The following THSD7B variants were observed in gnomAD, a reference collection of about 807,000 sequenced individuals.
THSD7B encodes the protein thrombospondin type 1 domain containing 7B, also known as thrombospondin type-1 domain-containing protein 7B.
A neutral mutation model predicts 213.6 loss-of-function variants in THSD7B; 138 were observed. The observed-to-expected ratio is 0.65, with a 90% CI of 0.56 to 0.74. The LOEUF (loss-of-function observed/expected upper bound fraction) is 0.74, where lower values mean the gene tolerates loss of function less well. Among genes scored for constraint, THSD7B ranks in the 30% least tolerant of loss-of-function variants. The probability of loss-of-function intolerance (pLI) is 0.00; values close to 1 mark genes in which losing one functional copy is unlikely to be tolerated. For missense variants in THSD7B, 1,931 were observed against 1,991.5 expected, an observed-to-expected ratio of 0.97 and a Z score of 0.58; for synonymous variants, 742 against 687.0, an observed-to-expected ratio of 1.08 and a Z score of -1.25.
At chr2:136,850,187 A>G (rs1465222202) in intron 1 of THSD7B, among the ~76,000 whole-genome samples, 1 of 152,060 alleles carries the variant, frequency 6.6e-6, no homozygotes, top group East Asian at 1.9e-4. Context: ...TTTGAGATTT[A>G]TCTATGTCAA....
At chr2:137,538,816 G>T (rs183976342) in intron 15 of THSD7B, among the ~76,000 whole-genome samples, 2 of 151,566 alleles carry the variant, frequency 1.3e-5, no homozygotes, top group Admixed American at 6.6e-5. Context: ...AATATAATAG[G>T]CTCTGAAAAG....
chr2:137,482,047 A>G lies in THSD7B; in HGVS notation c.3138+31024A>G, dbSNP rs534789157. On this transcript the variant is annotated intron_variant, in intron 15 of 27. Coordinates refer to ENST00000409968, the MANE Select transcript of THSD7B (RefSeq NM_001316349.2). ...AAAAAAATTAGCTGGGCGTGGTGGC[A>G]GATGCCTGTAGTCCCAGCTACTTGG... Among the ~76,000 whole-genome samples, 13 of 152,212 alleles carry G rather than the reference A, an allele frequency of 8.5e-5. No homozygotes were observed. The South Asian group carries it at 2.7e-3, about 32-fold the overall frequency.
At chr2:136,896,957 T>TATATA (rs888592279) in intron 2 of THSD7B, among the ~76,000 whole-genome samples, 1 of 56,056 alleles carries the variant, frequency 1.8e-5, no homozygotes. Flanking sequence ...TATATATATA[T>TATATA]TTTTTTAAGA....
intron 5 of THSD7B, among the ~76,000 whole-genome samples, chr2:137,140,515 G>T (rs931870905): frequency 6.6e-6 from 1 of 151,986 alleles, no homozygotes; most frequent in East Asian, 1.9e-4. Context: ...CAAAAATTCC[G>T]TGTCATTTAA....
intron 15 of THSD7B, among the ~76,000 whole-genome samples, chr2:137,485,359 G>C (rs1159849361): frequency 1.3e-4 from 20 of 151,624 alleles, no homozygotes; most frequent in East Asian, 3.9e-4. Context: ...TCTGAGGGCT[G>C]TGTTCTGTTC....
intron 1 of THSD7B, among the ~76,000 whole-genome samples, chr2:136,775,482 G>A (rs1040987361): frequency 1.4e-4 from 21 of 152,028 alleles, no homozygotes; most frequent in African/African-American, 4.6e-4. Flanking sequence ...AACATGCCAG[G>A]ATTCTATTCA....
intron 15 of THSD7B, among the ~76,000 whole-genome samples, chr2:137,456,512 C>G (rs1470733472): frequency 6.6e-6 from 1 of 152,224 alleles, no homozygotes; most frequent in African/African-American, 2.4e-5. Flanking sequence ...GCCCGACTCT[C>G]TGATCCTGAC....
At chr2:137,138,181 T>C (rs530983800) in intron 5 of THSD7B, among the ~76,000 whole-genome samples, 1 of 152,296 alleles carries the variant, frequency 6.6e-6, no homozygotes, top group East Asian at 1.9e-4. Context: ...TGAATATTTT[T>C]TTGGAATAGT....
chr2:137,094,336 C>T (rs937656793), intron 3 of THSD7B, among the ~76,000 whole-genome samples: 1 of 152,106 alleles, frequency 6.6e-6, no homozygotes, highest in Non-Finnish European at 1.5e-5. Context: ...TTTGGGAGGC[C>T]AAGGTGGGTG....
intron 2 of THSD7B, among the ~76,000 whole-genome samples, chr2:137,039,390 T>A (rs1208471388): frequency 6.6e-6 from 1 of 152,212 alleles, no homozygotes; most frequent in Non-Finnish European, 1.5e-5. Context: ...TGGCAATGTC[T>A]GGAGACATTT....
At chr2:137,573,915 T>C (rs560051542) in intron 17 of THSD7B, among the ~76,000 whole-genome samples, 4 of 152,250 alleles carry the variant, frequency 2.6e-5, no homozygotes, top group East Asian at 3.9e-4. Context: ...TACTTTTCTT[T>C]GTTTAAAATG....
At chr2:136,855,317 A>T (rs190653040) in intron 1 of THSD7B, among the ~76,000 whole-genome samples, 1 of 151,934 alleles carries the variant, frequency 6.6e-6, no homozygotes. Flanking sequence ...ACACCACCCT[A>T]CTCTCACCAC....
At chr2:137,566,585 G>A (rs1421077155) in intron 16 of THSD7B, among the ~76,000 whole-genome samples, 1 of 152,090 alleles carries the variant, frequency 6.6e-6, no homozygotes, top group East Asian at 1.9e-4. Context: ...TCTTAATTCA[G>A]TCCCTCTTCT....
chr2:137,267,617 A>G (rs1250000108), intron 10 of THSD7B, among the ~76,000 whole-genome samples: 1 of 150,904 alleles, frequency 6.6e-6, no homozygotes, highest in Non-Finnish European at 1.5e-5. Context: ...AACTCTATCT[A>G]GTGATTTTTG....
chr2:136,903,966 GTGTGTGTT>G lies in THSD7B; in HGVS notation c.139+21653_139+21660del, dbSNP rs1405939290. 0.03 allele frequency among the ~76,000 whole-genome samples: 1,617 copies of G among 54,776 alleles called. 32 individuals carry two copies. The East Asian group carries it at 0.31, about 11-fold the overall frequency. The allele number at this position is 54,776 out of a possible 152,430, so 35.9% of individuals were successfully genotyped here. A position where few individuals can be genotyped will look rare whatever the true frequency, so the allele number is the denominator to read the frequency against. On this transcript the variant is annotated intron_variant, in intron 2 of 27. Coordinates refer to ENST00000409968, the MANE Select transcript of THSD7B (RefSeq NM_001316349.2). ...TGTGTGTGTGTGTGTGTGTGTGTGT[GTGTGTGTT>G]TGTTTGTTTCTGAGCTGGGCCGGCA...
chr2:136,804,533 A>G (rs984920389), intron 1 of THSD7B, among the ~76,000 whole-genome samples: 15 of 152,138 alleles, frequency 9.9e-5, no homozygotes, highest in African/African-American at 3.6e-4. Context: ...TTAAGGCCAT[A>G]AAGACCAATA....
intron 21 of THSD7B, among the ~76,000 whole-genome samples, chr2:137,646,284 T>G (rs1001976603): frequency 6.6e-6 from 1 of 152,004 alleles, no homozygotes; most frequent in East Asian, 1.9e-4. Context: ...TGAAGGAGCT[T>G]CTTCTTCCCT....
chr2:137,201,646 G>A (rs1051499624), intron 7 of THSD7B, among the ~76,000 whole-genome samples: 12 of 152,146 alleles, frequency 7.9e-5, no homozygotes, highest in African/African-American at 2.9e-4. Context: ...GTGCAGAATT[G>A]TTGTATCATA....
intron 17 of THSD7B, among the ~76,000 whole-genome samples, chr2:137,576,804 C>T (rs368271884): frequency 6.6e-6 from 1 of 150,786 alleles, no homozygotes; most frequent in Non-Finnish European, 1.5e-5. Flanking sequence ...CACCCCCCCC[C>T]CTTTTTTTAA....
Sources: allele counts gnomAD v4.1 joint callset (sites outside exome capture counted in the v4.1 genomes callset), GRCh38; gene constraint gnomAD v4.1.1; transcripts MANE v1.5; gene names NCBI Gene and HGNC (gene_info 2026-07-23, HGNC 2026-07-21).